The following EDC3 variants were observed in gnomAD, a reference collection of about 807,000 sequenced individuals.
EDC3 encodes enhancer of mRNA decapping 3.
In EDC3, 20 loss-of-function variants were observed where a neutral mutation model predicts 41.8. That is an observed-to-expected ratio of 0.48 (90% CI 0.34 to 0.70). The LOEUF (loss-of-function observed/expected upper bound fraction) is 0.70. Ranked by LOEUF, EDC3 falls within the 30% of genes least tolerant of loss-of-function variation. EDC3 has a pLI of 0.01. For synonymous variants in EDC3, 206 were observed against 243.2 expected (o/e 0.85, Z 1.42); for missense variants, 444 against 636.8 (o/e 0.70, Z 3.26).
intron 1 of EDC3, among the ~76,000 whole-genome samples, chr15:74,689,771 G>A (rs373151776): frequency 6.6e-5 from 10 of 152,120 alleles, no homozygotes; most frequent in Non-Finnish European, 1.0e-4. Flanking sequence ...TGATCCGCCC[G>A]CCTCGGCCTC....
chr15:74,675,804 C>T (rs190246190), intron 1 of EDC3, among the ~76,000 whole-genome samples: 3 of 151,176 alleles, frequency 2.0e-5, no homozygotes, highest in African/African-American at 7.3e-5. Flanking sequence ...TGGCGTCAAC[C>T]CAGGAGGCGG....
chr15:74,640,185 G>A, intron 5 of EDC3: 1 of 360,016 alleles, frequency 2.8e-6, no homozygotes, highest in South Asian at 4.3e-5. Flanking sequence ...CTAGAAGGAA[G>A]GCTTCTGATA....
intron 3 of EDC3, among the ~76,000 whole-genome samples, chr15:74,659,856 C>A (rs543807539): frequency 2.0e-5 from 3 of 152,056 alleles, no homozygotes; most frequent in African/African-American, 7.2e-5. Flanking sequence ...ACCATCCTGG[C>A]CAACATGGTG....
intron 4 of EDC3, chr15:74,640,942 A>G (rs894388716): frequency 2.0e-5 from 6 of 305,586 alleles, no homozygotes; most frequent in Non-Finnish European, 3.1e-5. Flanking sequence ...AGCCTGTAAC[A>G]GCAACCTATC....
At chr15:74,695,480 C>G (rs915871180) in intron 1 of EDC3, 5 of 152,186 alleles carry the variant, frequency 3.3e-5, no homozygotes, top group Non-Finnish European at 7.3e-5. Flanking sequence ...TCATCTCCGT[C>G]CTCAAGCTAT....
chr15:74,666,860 G>C (rs2062681677), intron 3 of EDC3, among the ~76,000 whole-genome samples: 1 of 152,094 alleles, frequency 6.6e-6, no homozygotes, highest in Non-Finnish European at 1.5e-5. Context: ...AAATCATTTA[G>C]GAGGTTAGAA....
In EDC3 at chr15:74,635,402, T is replaced by C. The variant is rs1159687573; in HGVS notation, c.1192+7A>G. On this transcript the variant is annotated splice_region_variant and intron_variant, in intron 6 of 6. Coordinates refer to ENST00000315127, the MANE Select transcript of EDC3 (RefSeq NM_025083.5). ...GGCCTTCAGCCCAGCCCTGCCTAAG[T>C]GCTCACCTTTGAGGCTAGACACTTG... is the stretch of plus-strand genomic sequence containing the variant. 1.2e-6 allele frequency: 2 copies of C among 1,614,014 alleles called. No individual in the cohort carries two copies. Among genetic ancestry groups the C allele is most frequent in the Non-Finnish European group, 1.7e-6 (2 of 1,179,836 alleles).
At chr15:74,645,573 G>A (rs1312999345) in intron 4 of EDC3, among the ~76,000 whole-genome samples, 1 of 144,092 alleles carries the variant, frequency 6.9e-6, no homozygotes, top group Non-Finnish European at 1.5e-5. Context: ...TTGGGGGGGG[G>A]GGGGTGCCAG....
At chr15:74,668,729 TGAAAGAAAGAAA>T (rs10660702) in intron 3 of EDC3, among the ~76,000 whole-genome samples, 11 of 140,236 alleles carry the variant, frequency 7.8e-5, no homozygotes, top group East Asian at 4.4e-4. Flanking sequence ...CAAAAATGAA[TGAAAGAAAGAAA>T]GAAAGAAAGA....
At chr15:74,651,025 A>C (rs1202895635) in intron 4 of EDC3, among the ~76,000 whole-genome samples, 2 of 152,162 alleles carry the variant, frequency 1.3e-5, no homozygotes, top group African/African-American at 4.8e-5. Context: ...TTTAAAAAAA[A>C]ATTAAAAAAA....
At chr15:74,635,752 G>C in intron 5 of EDC3, 126 bp from the exon 6 acceptor site, 1 of 898,926 alleles carries the variant, frequency 1.1e-6, no homozygotes, top group East Asian at 2.7e-5. Flanking sequence ...CAAGTCCCAG[G>C]CTCCAGAGGG....
intron 3 of EDC3, among the ~76,000 whole-genome samples, chr15:74,659,511 T>TATATATATATATATATATATAG (rs1346060455): frequency 1.3e-4 from 17 of 127,080 alleles, no homozygotes; most frequent in African/African-American, 4.7e-4. Flanking sequence ...TATATATATA[T>TATATATATATATATATATATAG]AGGCAAATAA....
intron 2 of EDC3, among the ~76,000 whole-genome samples, chr15:74,673,938 C>T (rs1039513625): frequency 1.3e-5 from 2 of 150,438 alleles, no homozygotes; most frequent in Non-Finnish European, 3.0e-5. Flanking sequence ...AAAGATAGAA[C>T]CCTGAGTAAT....
intron 3 of EDC3, among the ~76,000 whole-genome samples, chr15:74,670,974 C>T (rs2062731729): frequency 6.6e-6 from 1 of 152,100 alleles, no homozygotes; most frequent in Non-Finnish European, 1.5e-5. Flanking sequence ...TCTGGAACAG[C>T]CCAAGTGCAG....
At chr15:74,682,615 C>G (rs2062885342) in intron 1 of EDC3, among the ~76,000 whole-genome samples, 2 of 104,308 alleles carry the variant, frequency 1.9e-5, no homozygotes, top group Admixed American at 1.2e-4. Context: ...AAGACTCCAT[C>G]TCAAAAAAAA....
chr15:74,678,342 T>C (rs2062829774), intron 1 of EDC3, among the ~76,000 whole-genome samples: 1 of 152,096 alleles, frequency 6.6e-6, no homozygotes, highest in Non-Finnish European at 1.5e-5. Context: ...CAGTGAGATA[T>C]ATGGGAACCC....
chr15:74,693,693 A>C (rs1238452307), intron 1 of EDC3, among the ~76,000 whole-genome samples: 1 of 152,092 alleles, frequency 6.6e-6, no homozygotes, highest in African/African-American at 2.4e-5. Flanking sequence ...TTATAGTAAG[A>C]CTCAGTAAGA....
In EDC3 at chr15:74,671,765, G is replaced by A. The variant is rs757635961; in HGVS notation, c.174C>T (p.Asp58=). The A allele has an allele frequency of 1.9e-6, 3 of 1,613,740 alleles. No homozygotes were observed. Among genetic ancestry groups the A allele is most frequent in the African/African-American group, 1.3e-5 (1 of 74,982 alleles). Residue 58 remains aspartate, a synonymous_variant, in exon 3 of 7, where the codon GAC becomes GAT. Transcript: ENST00000315127. The surrounding 1 kb of genome is among the most constrained non-coding windows in gnomAD (Gnocchi z 4.6). ...TCTCCAGAATTTTTAACTCCGTAAT[G>A]TCACCTGCCCTGAAATACACAAAAA... ...LVPEVTFRAG[D]ITELKILEIP... is the part of the protein sequence containing the mutation.
At chr15:74,676,604 A>G (rs2062809701) in intron 1 of EDC3, among the ~76,000 whole-genome samples, 1 of 152,200 alleles carries the variant, frequency 6.6e-6, no homozygotes, top group Non-Finnish European at 1.5e-5. Context: ...CTTAGACAAA[A>G]GTTATCAAAA....
Sources: gnomAD v4.1 joint callset for allele counts (sites outside exome capture counted in the v4.1 genomes callset) on GRCh38, gnomAD v4.1.1 for gene constraint, Gnocchi (gnomAD v3.1) non-coding constraint, MANE v1.5 for transcripts, NCBI Gene and HGNC (gene_info 2026-07-23, HGNC 2026-07-21) for gene names.